Variants in SPATA13 observed in about 807,000 individuals in gnomAD.
SPATA13 encodes spermatogenesis-associated protein 13.
In SPATA13, 50 loss-of-function variants were observed where a neutral mutation model predicts 104.0. That is an observed-to-expected ratio of 0.48 (90% CI 0.38 to 0.61). SPATA13 has a LOEUF of 0.61. SPATA13 is among the 20% of genes least tolerant of loss of function. SPATA13 has a pLI of 0.00. For synonymous variants in SPATA13, 606 were observed against 667.5 expected (o/e 0.91, Z 1.42); for missense variants, 1,524 against 1,690.6 (o/e 0.90, Z 1.73).
chr13:24,244,617 T>C (rs1873018271), intron 2 of SPATA13, among the ~76,000 whole-genome samples: 1 of 152,244 alleles, frequency 6.6e-6, no homozygotes, highest in East Asian at 1.9e-4. Flanking sequence ...CTGAGCCCTT[T>C]GTAATCTCAG....
chr13:24,145,438 C>T (rs1021421288), intron 3 of SPATA13, among the ~76,000 whole-genome samples: 6 of 152,170 alleles, frequency 3.9e-5, no homozygotes, highest in African/African-American at 1.2e-4. Flanking sequence ...CTGTAGCATC[C>T]CTACCAGCAC....
In SPATA13 at chr13:24,161,155, G is replaced by A. The variant is rs2138484816; in HGVS notation, c.-112+223G>A. 6.6e-6 allele frequency among the ~76,000 whole-genome samples: 1 copy of A among 152,302 alleles called. No individual in the cohort carries two copies. The highest frequency in any genetic ancestry group is 2.4e-5 in the African/African-American group (1 of 41,572). On this transcript the variant is annotated intron_variant, in intron 1 of 12. Coordinates refer to ENST00000382108, the MANE Select transcript of SPATA13 (RefSeq NM_001166271.3). This position sits in a 1 kb window ranked among gnomAD's most constrained non-coding sequence, Gnocchi z 4.5. ...CCCGGCGGTGGCTCTGCGCCCTCTGGGCCACCCGGCACCATCGCTTTTGGG... is the reference window on the plus strand; with the variant it reads ...CCCGGCGGTGGCTCTGCGCCCTCTGAGCCACCCGGCACCATCGCTTTTGGG...
chr13:24,182,317 C>G (rs1476094297), intron 1 of SPATA13, among the ~76,000 whole-genome samples: 1 of 152,120 alleles, frequency 6.6e-6, no homozygotes, highest in African/African-American at 2.4e-5. Context: ...AAAGGAATAC[C>G]TGAGCCTGGG....
At chr13:24,110,290 G>C (rs1372982313) in intron 3 of SPATA13, among the ~76,000 whole-genome samples, 2 of 151,974 alleles carry the variant, frequency 1.3e-5, no homozygotes, top group Non-Finnish European at 2.9e-5. Flanking sequence ...GTGAGGAAGG[G>C]AGGGGAGGAT....
At chr13:23,996,965 A>C (rs535625591) in intron 2 of SPATA13, among the ~76,000 whole-genome samples, 3 of 152,218 alleles carry the variant, frequency 2.0e-5, no homozygotes, top group Admixed American at 1.3e-4. Flanking sequence ...CCCAACTTAT[A>C]AGCAGGAGAA....
At chr13:24,130,778 C>T (rs151115018) in intron 3 of SPATA13, among the ~76,000 whole-genome samples, 2 of 152,328 alleles carry the variant, frequency 1.3e-5, no homozygotes, top group African/African-American at 2.4e-5. Context: ...CCTGCAAACA[C>T]GCTATTTTCC....
chr13:24,162,185 C>A (rs1264889701), intron 1 of SPATA13, among the ~76,000 whole-genome samples: 1 of 152,236 alleles, frequency 6.6e-6, no homozygotes, highest in East Asian at 1.9e-4. Context: ...CCACGTTTGC[C>A]ATCTGCCTCC....
intron 3 of SPATA13, among the ~76,000 whole-genome samples, chr13:24,033,349 A>G (rs1877549098): frequency 6.6e-6 from 1 of 152,254 alleles, no homozygotes; most frequent in African/African-American, 2.4e-5. Context: ...TGATAGGGCC[A>G]GAGGGGCTCA....
rs113723819 is a variant in SPATA13, at chr13:24,297,676, C to T, written c.3524C>T (p.Ala1175Val). 1.1e-5 allele frequency: 18 copies of T among 1,614,046 alleles called. No individual in the cohort carries two copies. Among genetic ancestry groups the T allele is most frequent in the Middle Eastern group, 1.6e-4 (1 of 6,080 alleles). Residue 1175 changes from alanine (A) to valine (V), a missense_variant, in exon 11 of 13, where the codon GCG becomes GTG. Physicochemically the swap from Ala to Val is moderately conservative, Grantham distance 64 (BLOSUM62 0). Transcript: ENST00000382108. ...LFCAKKQEDK[A>V]RWLQACADER... ...TGTGCCAAAAAACAAGAAGACAAGG[C>T]GAGGTGGCTGCAGGCCTGTGCAGAT...
At chr13:24,236,088 G>A (rs920181684) in intron 2 of SPATA13, among the ~76,000 whole-genome samples, 4 of 152,186 alleles carry the variant, frequency 2.6e-5, no homozygotes, top group Non-Finnish European at 5.9e-5. Flanking sequence ...CGGGCCTGCA[G>A]CTGGGTTTCC....
chr13:24,025,907 G>A (rs1877192770), intron 3 of SPATA13, among the ~76,000 whole-genome samples: 1 of 151,358 alleles, frequency 6.6e-6, no homozygotes, highest in East Asian at 2.0e-4. Context: ...CAGGTTCAAA[G>A]GATTCTCCTG....
At chr13:24,121,952 T>C (rs1384914090) in intron 3 of SPATA13, 8 of 730,634 alleles carry the variant, frequency 1.1e-5, no homozygotes, top group African/African-American at 1.8e-5. Context: ...GTTTCTTTTG[T>C]CCATCTATTC....
chr13:24,110,319 A>T (rs1880597131), intron 3 of SPATA13, among the ~76,000 whole-genome samples: 1 of 151,990 alleles, frequency 6.6e-6, no homozygotes. Flanking sequence ...CTCAGACCTC[A>T]TTCTCCCTTG....
chr13:24,076,598 G>T (rs898255044), intron 3 of SPATA13, among the ~76,000 whole-genome samples: 1 of 151,638 alleles, frequency 6.6e-6, no homozygotes, highest in African/African-American at 2.4e-5. Flanking sequence ...GCCACTGAGG[G>T]TCTTGTGGCT....
chr13:24,213,093 A>C (rs1468077447), intron 1 of SPATA13, among the ~76,000 whole-genome samples: 2 of 152,196 alleles, frequency 1.3e-5, no homozygotes, highest in Non-Finnish European at 2.9e-5. Context: ...AGACTCCTGC[A>C]CGGAGAAGTT....
chr13:23,982,865 G>A (rs966729062), intron 1 of SPATA13, among the ~76,000 whole-genome samples: 10 of 152,184 alleles, frequency 6.6e-5, no homozygotes, highest in African/African-American at 2.4e-4. Flanking sequence ...AGCTTCGGGA[G>A]GCTGGGTCTC....
At chr13:24,012,359 G>A (rs1469897705) in intron 2 of SPATA13, among the ~76,000 whole-genome samples, 6 of 152,354 alleles carry the variant, frequency 3.9e-5, no homozygotes, top group African/African-American at 1.4e-4. Flanking sequence ...GTTGCCCCCA[G>A]GCAGGGGGAC....
intron 3 of SPATA13, among the ~76,000 whole-genome samples, chr13:24,052,282 T>TGAGAGGCTGAGGCCAGC (rs1878372531): frequency 6.6e-6 from 1 of 152,172 alleles, no homozygotes; most frequent in South Asian, 2.1e-4. Context: ...CTCAGGATTA[T>TGAGAGGCTGAGGCCAGC]AATCCCAGCA....
intron 3 of SPATA13, among the ~76,000 whole-genome samples, chr13:24,129,382 G>A (rs986318266): frequency 6.6e-6 from 1 of 152,210 alleles, no homozygotes; most frequent in Admixed American, 6.5e-5. Flanking sequence ...GAAAAAAATT[G>A]CCAAAACACA....
Sources: gnomAD v4.1 joint callset for allele counts (sites outside exome capture counted in the v4.1 genomes callset) on GRCh38, gnomAD v4.1.1 for gene constraint, Gnocchi (gnomAD v3.1) non-coding constraint, MANE v1.5 for transcripts, NCBI Gene and HGNC (gene_info 2026-07-23, HGNC 2026-07-21) for gene names.